The following ITGA7 variants were observed in gnomAD, a reference collection of about 807,000 sequenced individuals.
The protein encoded by ITGA7 is integrin alpha-7.
A neutral mutation model predicts 131.6 loss-of-function variants in ITGA7; 84 were observed. The observed-to-expected ratio is 0.64, with a 90% CI of 0.54 to 0.77. ITGA7 has a LOEUF of 0.77. ITGA7 is among the 30% of genes least tolerant of loss of function. The pLI is 0.00. For synonymous variants in ITGA7, 548 were observed against 600.7 expected, an observed-to-expected ratio of 0.91 and a Z score of 1.28; for missense variants, 1,399 against 1,482.9, an observed-to-expected ratio of 0.94 and a Z score of 0.93.
intron 14 of ITGA7, 170 bp downstream of exon 14, chr12:55,695,352 C>T: frequency 1.6e-6 from 1 of 630,430 alleles, no homozygotes; most frequent in Non-Finnish European, 2.9e-6. Context: ...CCCCCGTGGC[C>T]CCATCACTGA....
rs749085169 is a variant in ITGA7, at chr12:55,687,995, T to C, written c.3159A>G (p.Ala1053=). The C allele has an allele frequency of 6.2e-7, 1 of 1,614,086 alleles. No homozygotes were observed. Among genetic ancestry groups the C allele is most frequent in the Non-Finnish European group, 8.5e-7 (1 of 1,179,996 alleles). ...LAVLAGLLVL[A]LLVLLLWKMG... is the part of the protein sequence containing the mutation. ...CCTTCCACAGGAGCAGCACCAGCAGTGCTAGCACCAGCAGCCCAGCCAGTA... is the reference window on the plus strand; with the variant it reads ...CCTTCCACAGGAGCAGCACCAGCAGCGCTAGCACCAGCAGCCCAGCCAGTA... Residue 1053 remains alanine (A), a synonymous_variant, in exon 24 of 25, where the codon GCA becomes GCG. Coordinates refer to ENST00000257879, the MANE Select transcript of ITGA7 (RefSeq NM_002206.3).
At chr12:55,702,583 G>T (rs1356755246) in intron 3 of ITGA7, among the ~76,000 whole-genome samples, 1 of 152,180 alleles carries the variant, frequency 6.6e-6, no homozygotes, top group African/African-American at 2.4e-5. Flanking sequence ...CGAAAGTGCT[G>T]GGATTACAGG....
At chr12:55,703,484 A>G (rs550089993) in intron 1 of ITGA7, among the ~76,000 whole-genome samples, 61 of 152,096 alleles carry the variant, frequency 4.0e-4, no homozygotes, top group Middle Eastern at 3.4e-3. Flanking sequence ...TGCTGGTTTG[A>G]AAGAACTGCC....
intron 3 of ITGA7, among the ~76,000 whole-genome samples, chr12:55,702,233 G>C (rs1437975021): frequency 1.3e-5 from 2 of 150,386 alleles, no homozygotes; most frequent in South Asian, 4.2e-4. Flanking sequence ...AGGCTGGAGC[G>C]CAGTGGCGCG....
At chr12:55,700,266 G>A in intron 4 of ITGA7, 1 of 1,604,812 alleles carries the variant, frequency 6.2e-7, no homozygotes, top group Non-Finnish European at 8.5e-7. Flanking sequence ...CCCTACCAAA[G>A]TAGCTGTTGG....
At chr12:55,708,285 T>C (rs868546292), upstream of ITGA7, among the ~76,000 whole-genome samples, 17 of 152,110 alleles carry the variant, frequency 1.1e-4, no homozygotes, top group Middle Eastern at 3.4e-3. Flanking sequence ...GATGTGCAGA[T>C]AGAGAGGAAA....
chr12:55,700,069 G>A (rs572648754), intron 4 of ITGA7, 80 bp from the exon 5 acceptor site: 9 of 1,554,612 alleles, frequency 5.8e-6, no homozygotes, highest in Middle Eastern at 1.7e-4. Context: ...GCCACAGAAA[G>A]GCCAGAAAAT....
At chr12:55,699,497 C>T (rs1260933176) in intron 5 of ITGA7, 2 of 327,784 alleles carry the variant, frequency 6.1e-6, no homozygotes, top group South Asian at 5.8e-5. Flanking sequence ...GATGAGACAA[C>T]GAGAGGGACT....
rs201064749 is a variant in ITGA7 at position 55,700,884 on chromosome 12, C to T, written c.670+15G>A. The T allele has an allele frequency of 7.3e-5, 118 of 1,614,090 alleles. No homozygotes were observed. The highest frequency in any genetic ancestry group is 9.2e-5 in the Non-Finnish European group (109 of 1,180,030). On this transcript the variant is annotated intron_variant, in intron 4 of 24. Coordinates refer to ENST00000257879, the MANE Select transcript of ITGA7 (RefSeq NM_002206.3). The stretch of plus-strand genomic sequence containing the variant: ...GGTTTTGGTCCCCTTCTCCCCTTCC[C>T]GAGGAGTGACTCACCCTTCCAATTA...
chr12:55,696,394 G>T lies in ITGA7; in HGVS notation c.1776C>A (p.Thr592=). ...VKDKLRAIVV[T]LSYSLQTPRL... is the part of the protein sequence containing the mutation. The stretch of plus-strand genomic sequence containing the variant: ...GAGGGGTCTGGAGACTGTAGGACAA[G>T]GTCACTACAATGGCCCGAAGCTTGT... Residue 592 remains threonine (T), a synonymous_variant, in exon 13 of 25, where the codon ACC becomes ACA. Transcript: ENST00000257879. The T allele has an allele frequency of 6.2e-7, 1 of 1,600,946 alleles. No individual in the cohort carries two copies. The highest frequency in any genetic ancestry group is 8.5e-7 in the Non-Finnish European group (1 of 1,172,600).
chr12:55,691,036 G>T (rs1227843373), intron 21 of ITGA7, among the ~76,000 whole-genome samples: 1 of 151,482 alleles, frequency 6.6e-6, no homozygotes, highest in South Asian at 2.1e-4. Context: ...GAGTTAATGG[G>T]TGCAGCACAC....
Position 55,694,461 on chromosome 12 carries a change from A to T in ITGA7, c.2339T>A (p.Val780Glu), listed in dbSNP as rs772845920. 2 of 1,614,082 alleles carry T rather than the reference A, an allele frequency of 1.2e-6. No homozygotes were observed. Among genetic ancestry groups the T allele is most frequent in the Admixed American group, 3.3e-5 (2 of 60,018 alleles). The change falls in exon 17 of 25, where the codon GTA (valine) becomes GAA (glutamate). Residue 780 changes from valine to glutamate, a missense_variant. By Grantham distance (121) the Val-to-Glu change is moderately radical. Transcript: ENST00000257879. The surrounding 1 kb of genome is among the most constrained non-coding windows in gnomAD (Gnocchi z 5.3). ...GISIETTELE[V>E]ELLLATISEQ... Reference sequence around the variant, plus strand: ...GGCTTACGTGGCCAACAGCAGCTCTACCTCCAGTTCCGTGGTCTCAATGCT... The same window carrying T: ...GGCTTACGTGGCCAACAGCAGCTCTTCCTCCAGTTCCGTGGTCTCAATGCT...
chr12:55,690,960 G>A (rs1484368072), intron 21 of ITGA7, among the ~76,000 whole-genome samples: 2 of 151,868 alleles, frequency 1.3e-5, no homozygotes, highest in Non-Finnish European at 2.9e-5. Flanking sequence ...CACACTCTGG[G>A]GACTGTTGTG....
chr12:55,714,991 G>C (rs1876413323), upstream of ITGA7, among the ~76,000 whole-genome samples: 1 of 151,298 alleles, frequency 6.6e-6, no homozygotes, highest in African/African-American at 2.4e-5. Context: ...CTCCTGAGTA[G>C]CTGGGATTAC....
At chr12:55,701,505 G>T (rs1424714807) in intron 3 of ITGA7, 3 of 1,343,044 alleles carry the variant, frequency 2.2e-6, no homozygotes, top group East Asian at 2.5e-5. Context: ...GCCAAGCTTG[G>T]CCCTGTCCCT....
At position 55,694,081 on chromosome 12, in the gene ITGA7, C is replaced by A; in HGVS notation, c.2475G>T (p.Arg825Ser). 2 of 1,614,240 alleles carry A rather than the reference C, an allele frequency of 1.2e-6. No individual in the cohort carries two copies. Among genetic ancestry groups the A allele is most frequent in the Non-Finnish European group, 8.5e-7 (1 of 1,180,034 alleles). ...GCTCAGACTGCATGGCTCTCTCGCC[C>A]CTCACCACACCAGAGAAGAAGAGTT... ...PQQLFFSGVV[R>S]GERAMQSERD... Residue 825 changes from arginine to serine, a missense_variant, in exon 19 of 25, where the codon AGG (arginine) becomes AGT (serine). Physicochemically the swap from Arg to Ser is moderately radical, Grantham distance 110. Coordinates refer to ENST00000257879, the MANE Select transcript of ITGA7 (RefSeq NM_002206.3). This position sits in a 1 kb window ranked among gnomAD's most constrained non-coding sequence, Gnocchi z 5.3.
intron 1 of ITGA7, among the ~76,000 whole-genome samples, chr12:55,704,349 T>C (rs1874734078): frequency 6.6e-6 from 1 of 152,188 alleles, no homozygotes; most frequent in South Asian, 2.1e-4. Flanking sequence ...CCTCATCTCT[T>C]AGCAGCTGCC....
rs771755133 is a variant in ITGA7, at chr12:55,693,273, G to C, written c.2580C>G (p.Phe860Leu). The part of the protein sequence containing the change: ...GQSLRTLGSA[F>L]LNIMWPHEIA... ...TCTCATGAGGCCACATGATGTTGAG[G>C]AAGGCAGAGCCCAGGGTTCTGAGCG... Residue 860 changes from phenylalanine to leucine, a missense_variant, in exon 20 of 25, where the codon TTC becomes TTG. By Grantham distance (22) the Phe-to-Leu change is conservative. Transcript: ENST00000257879. The C allele has an allele frequency of 6.8e-6, 11 of 1,614,144 alleles. No individual in the cohort carries two copies. The Admixed American group carries it at 1.3e-4, about 20-fold the overall frequency.
rs1386310608 is a variant in ITGA7 at position 55,685,289 on chromosome 12, C to G, written c.3184-1G>C. ...GCTTCGCCCGTTTGAAGAATCCCATCTATAAGGACACCAGGCCAGACCATG... is the reference window on the plus strand; with the variant it reads ...GCTTCGCCCGTTTGAAGAATCCCATGTATAAGGACACCAGGCCAGACCATG... On this transcript the variant is annotated splice_acceptor_variant, in intron 24 of 24. Coordinates refer to ENST00000257879, the MANE Select transcript of ITGA7 (RefSeq NM_002206.3). LOFTEE classifies it high-confidence loss of function. 2 of 1,613,966 alleles carry G rather than the reference C, an allele frequency of 1.2e-6. No homozygotes were observed. The highest frequency in any genetic ancestry group is 1.7e-6 in the Non-Finnish European group (2 of 1,179,960).
Sources: allele counts gnomAD v4.1 joint callset (sites outside exome capture counted in the v4.1 genomes callset), GRCh38; gene constraint gnomAD v4.1.1; non-coding constraint Gnocchi (gnomAD v3.1); transcripts MANE v1.5; gene names NCBI Gene and HGNC (gene_info 2026-07-23, HGNC 2026-07-21).